TMTC1: variants seen among roughly 807,000 people sequenced by gnomAD.
TMTC1 encodes transmembrane O-mannosyltransferase targeting cadherins 1.
A neutral mutation model predicts 104.8 loss-of-function variants in TMTC1; 73 were observed. The observed-to-expected ratio is 0.70, with a 90% CI of 0.58 to 0.85. The LOEUF is 0.85. TMTC1 is among the 40% of genes least tolerant of loss of function. The pLI is 0.00. For missense variants in TMTC1, 1,035 were observed against 1,096.1 expected, an observed-to-expected ratio of 0.94 and a Z score of 0.79; for synonymous variants, 434 against 428.7, an observed-to-expected ratio of 1.01 and a Z score of -0.15.
rs149154244 is a variant in TMTC1 at position 29,554,492 on chromosome 12, C to T, written c.1676+2365G>A. ...TAGCAAGACTAAAAGTAAGAAAAAG[C>T]AGAGCAGTGTATTAAGGTGGGTCAA... is the stretch of plus-strand genomic sequence containing the variant. On this transcript the variant is annotated intron_variant, in intron 10 of 17. Transcript: ENST00000539277. Among the ~76,000 whole-genome samples, 210 of 152,200 alleles carry T rather than the reference C, an allele frequency of 1.4e-3. 1 individual carries two copies. Among genetic ancestry groups the T allele is most frequent in the African/African-American group, 4.8e-3 (199 of 41,510 alleles).
intron 4 of TMTC1, among the ~76,000 whole-genome samples, chr12:29,752,862 T>C (rs1026484056): frequency 1.3e-4 from 20 of 152,198 alleles, no homozygotes; most frequent in African/African-American, 4.8e-4. Flanking sequence ...AAATTCAGGA[T>C]TGTGATTCCC....
chr12:29,572,287 T>C (rs1945700489), intron 8 of TMTC1, 69 bp from the exon 9 acceptor site: 3 of 1,310,736 alleles, frequency 2.3e-6, no homozygotes, highest in South Asian at 2.5e-5. Flanking sequence ...CTTTATGTTT[T>C]ACTCAGTTTC....
upstream of TMTC1, among the ~76,000 whole-genome samples, chr12:29,784,072 T>G (rs1943903884): frequency 6.6e-6 from 1 of 151,320 alleles, no homozygotes; most frequent in Non-Finnish European, 1.5e-5. Context: ...CGGCGCCCTC[T>G]GCCCCCGGCC....
chr12:29,546,399 G>C lies in TMTC1; in HGVS notation c.1677-10082C>G, dbSNP rs1360495620. Among the ~76,000 whole-genome samples, 3 of 152,264 alleles carry C rather than the reference G, an allele frequency of 2.0e-5. No individual in the cohort carries two copies. The East Asian group carries it at 5.8e-4, about 29-fold the overall frequency. On this transcript the variant is annotated intron_variant, in intron 10 of 17. Transcript: ENST00000539277. ...AGGGAACTGGGCCCTATATCAGGAG[G>C]GTACAAATGGGAGGGAGGTTGGCAG...
chr12:29,705,959 T>C (rs1198401443), intron 5 of TMTC1, among the ~76,000 whole-genome samples: 1 of 152,110 alleles, frequency 6.6e-6, no homozygotes, highest in Non-Finnish European at 1.5e-5. Context: ...AAAAGCATCA[T>C]CTAAACTATA....
chr12:29,662,677 A>AG (rs1778795270), intron 5 of TMTC1, among the ~76,000 whole-genome samples: 1 of 151,806 alleles, frequency 6.6e-6, no homozygotes, highest in African/African-American at 2.4e-5. Context: ...AAAAAAAAAA[A>AG]AAAAAAAAAA....
intron 10 of TMTC1, among the ~76,000 whole-genome samples, chr12:29,550,218 G>T (rs1342648644): frequency 6.6e-6 from 1 of 152,138 alleles, no homozygotes; most frequent in African/African-American, 2.4e-5. Flanking sequence ...AAGTAACTTG[G>T]GTTGGCCTTG....
At chr12:29,697,438 G>T (rs978916308) in intron 5 of TMTC1, among the ~76,000 whole-genome samples, 2 of 152,160 alleles carry the variant, frequency 1.3e-5, no homozygotes, top group Non-Finnish European at 2.9e-5. Context: ...ATGCTTAAGG[G>T]GTACAATGTC....
At position 29,679,390 on chromosome 12, in the gene TMTC1, C is replaced by T. The variant is rs571712595; in HGVS notation, c.939-46054G>A. ...ACATGAAATACTTCTATAGTCAGAA[C>T]AAAAGTCAGTAAACGCTATTATTTT... On this transcript the variant is annotated intron_variant, in intron 5 of 17. Transcript: ENST00000539277. 3.3e-5 allele frequency among the ~76,000 whole-genome samples: 5 copies of T among 151,976 alleles called. No individual in the cohort carries two copies. The South Asian group carries it at 1.0e-3, about 32-fold the overall frequency.
At chr12:29,706,406 CT>C (rs1941745066) in intron 5 of TMTC1, among the ~76,000 whole-genome samples, 1 of 152,172 alleles carries the variant, frequency 6.6e-6, no homozygotes, top group Non-Finnish European at 1.5e-5. Flanking sequence ...TTGCATTTTC[CT>C]TCTGCCTAAC....
At chr12:29,669,534 G>A (rs75897919) in intron 5 of TMTC1, among the ~76,000 whole-genome samples, 5,298 of 152,300 alleles carry the variant, frequency 0.035, 157 homozygotes, top group South Asian at 0.15. Context: ...GAAGTAGACA[G>A]CTATTTTGGA....
chr12:29,595,140 A>C (rs1946374887), intron 7 of TMTC1, among the ~76,000 whole-genome samples: 1 of 152,178 alleles, frequency 6.6e-6, no homozygotes, highest in Non-Finnish European at 1.5e-5. Flanking sequence ...TCAAATCCTG[A>C]TTTCCAAGAC....
chr12:29,716,888 A>G (rs544047262), intron 5 of TMTC1, among the ~76,000 whole-genome samples: 34 of 152,024 alleles, frequency 2.2e-4, no homozygotes, highest in Non-Finnish European at 4.4e-4. Flanking sequence ...GGTGGCGGGC[A>G]CCTGTAGTCT....
chr12:29,551,042 G>T (rs1052500999), intron 10 of TMTC1, among the ~76,000 whole-genome samples: 2 of 151,396 alleles, frequency 1.3e-5, no homozygotes, highest in Non-Finnish European at 1.5e-5. Context: ...AGTGTAATGG[G>T]ATTGGGACTA....
intron 6 of TMTC1, chr12:29,614,049 T>G: frequency 3.4e-6 from 1 of 298,146 alleles, no homozygotes. Flanking sequence ...TCTAAATGTT[T>G]TAGAGTAGCA....
At chr12:29,629,189 C>T (rs530895563) in intron 6 of TMTC1, among the ~76,000 whole-genome samples, 188 of 151,848 alleles carry the variant, frequency 1.2e-3, no homozygotes, top group East Asian at 3.3e-3. Context: ...GGCGTGGTGG[C>T]GGGCGCCTGT....
intron 5 of TMTC1, among the ~76,000 whole-genome samples, chr12:29,704,373 T>C (rs1177597322): frequency 2.0e-5 from 3 of 152,160 alleles, no homozygotes; most frequent in Non-Finnish European, 2.9e-5. Flanking sequence ...AACGTATGAA[T>C]GAACAGATGA....
chr12:29,747,614 G>A (rs956119216), intron 5 of TMTC1, among the ~76,000 whole-genome samples: 5 of 152,068 alleles, frequency 3.3e-5, no homozygotes, highest in African/African-American at 7.2e-5. Context: ...CAAAAAAATC[G>A]CACACAAACT....
chr12:29,566,484 C>T (rs1324484443), intron 9 of TMTC1, among the ~76,000 whole-genome samples: 1 of 152,150 alleles, frequency 6.6e-6, no homozygotes, highest in African/African-American at 2.4e-5. Context: ...TCTTGAACTC[C>T]TGACCTCATG....
Sources: gnomAD v4.1 joint callset for allele counts (sites outside exome capture counted in the v4.1 genomes callset) on GRCh38, gnomAD v4.1.1 for gene constraint, MANE v1.5 for transcripts, NCBI Gene and HGNC (gene_info 2026-07-23, HGNC 2026-07-21) for gene names.